The following SNX29 variants were observed in gnomAD, a reference collection of about 807,000 sequenced individuals.
The protein encoded by SNX29 is sorting nexin 29.
A neutral mutation model predicts 102.1 loss-of-function variants in SNX29; 78 were observed. The observed-to-expected ratio is 0.76, with a 90% confidence interval of 0.64 to 0.92. The LOEUF is 0.92. Ranked by LOEUF, SNX29 falls within the 40% of genes least tolerant of loss-of-function variation. The pLI, the probability that SNX29 is intolerant of heterozygous loss-of-function variation, is 0.00. For missense variants in SNX29, 1,280 were observed against 1,061.7 expected, an observed-to-expected ratio of 1.21 and a Z score of -2.86; for synonymous variants, 580 against 414.5, an observed-to-expected ratio of 1.40 and a Z score of -4.85.
intron 14 of SNX29, among the ~76,000 whole-genome samples, chr16:12,221,950 C>T (rs560790706): frequency 5.9e-5 from 9 of 152,214 alleles, no homozygotes; most frequent in South Asian, 2.1e-4. Flanking sequence ...TCAGCAGTGA[C>T]GAGCAAGTGA....
chr16:12,285,493 T>G (rs2079566498), intron 15 of SNX29, among the ~76,000 whole-genome samples: 1 of 152,236 alleles, frequency 6.6e-6, no homozygotes, highest in African/African-American at 2.4e-5. Flanking sequence ...TTGTTCTCAT[T>G]ATAATGGCAG....
At chr16:12,054,756 GTCTC>G (rs1204509948) in intron 8 of SNX29, among the ~76,000 whole-genome samples, 6 of 152,170 alleles carry the variant, frequency 3.9e-5, no homozygotes, top group East Asian at 1.9e-4. Flanking sequence ...GTATCTCTCT[GTCTC>G]TCTCTCTTCA....
chr16:12,564,739 T>C (rs12918587), intron 20 of SNX29, among the ~76,000 whole-genome samples: 39,595 of 151,886 alleles, frequency 0.26, 5,737 homozygotes, highest in East Asian at 0.44. Context: ...CAGTTGTGCC[T>C]AACAACTGTC....
intron 16 of SNX29, among the ~76,000 whole-genome samples, chr16:12,395,796 C>T (rs1274122513): frequency 6.6e-6 from 1 of 151,466 alleles, no homozygotes; most frequent in African/African-American, 2.4e-5. Context: ...TCTTTATTGC[C>T]AGAATATAAA....
chr16:12,135,619 G>A (rs1433839358), intron 13 of SNX29: 1 of 1,345,630 alleles, frequency 7.4e-7, no homozygotes, highest in Non-Finnish European at 9.8e-7. Flanking sequence ...AATGGAGGGA[G>A]AGAGAAATCA....
At chr16:12,543,841 A>G (rs1042128565) in intron 20 of SNX29, among the ~76,000 whole-genome samples, 1 of 152,204 alleles carries the variant, frequency 6.6e-6, no homozygotes, top group East Asian at 1.9e-4. Flanking sequence ...TATTTGGAAG[A>G]GAGAAGCCAG....
intron 11 of SNX29, among the ~76,000 whole-genome samples, chr16:12,099,475 G>T (rs901792380): frequency 6.6e-6 from 1 of 152,164 alleles, no homozygotes; most frequent in Admixed American, 6.5e-5. Context: ...GGTGACAGCT[G>T]GCAGCTCAGT....
intron 15 of SNX29, among the ~76,000 whole-genome samples, chr16:12,309,355 C>T (rs886237982): frequency 4.6e-5 from 7 of 152,348 alleles, no homozygotes; most frequent in African/African-American, 1.7e-4. Context: ...CCTGCGAGGG[C>T]TCACTGCTGA....
chr16:12,435,926 G>T (rs1323226447), intron 18 of SNX29, among the ~76,000 whole-genome samples: 1 of 152,168 alleles, frequency 6.6e-6, no homozygotes, highest in Non-Finnish European at 1.5e-5. Flanking sequence ...CGCTATCTGT[G>T]GGAACAGCGA....
chr16:12,304,682 C>T (rs144232253), intron 15 of SNX29, among the ~76,000 whole-genome samples: 187 of 152,292 alleles, frequency 1.2e-3, no homozygotes, highest in African/African-American at 4.0e-3. Context: ...TGTGAGCCAC[C>T]ACACCTGGCC....
chr16:12,219,054 G>A (rs556835515), intron 14 of SNX29, among the ~76,000 whole-genome samples: 2 of 152,268 alleles, frequency 1.3e-5, no homozygotes, highest in East Asian at 3.9e-4. Flanking sequence ...GATTACAGGT[G>A]TGAGCCACCG....
At chr16:12,193,407 T>G (rs2076693526) in intron 13 of SNX29, among the ~76,000 whole-genome samples, 2 of 149,678 alleles carry the variant, frequency 1.3e-5, no homozygotes, top group Admixed American at 1.4e-4. Flanking sequence ...AGGTGAAGGT[T>G]GTAGTGAGCC....
chr16:12,101,841 T>C (rs371179463), intron 11 of SNX29, among the ~76,000 whole-genome samples: 8 of 152,306 alleles, frequency 5.3e-5, no homozygotes, highest in South Asian at 2.1e-4. Context: ...TAGGTATACT[T>C]GTGCCACGGT....
At chr16:12,259,325 A>G (rs1161447532) in intron 14 of SNX29, among the ~76,000 whole-genome samples, 1 of 151,942 alleles carries the variant, frequency 6.6e-6, no homozygotes, top group Non-Finnish European at 1.5e-5. Context: ...TGCTCGTTCT[A>G]CCCCGTCTTT....
At chr16:12,530,987 C>T (rs1240687317) in intron 20 of SNX29, among the ~76,000 whole-genome samples, 2 of 152,246 alleles carry the variant, frequency 1.3e-5, no homozygotes, top group African/African-American at 2.4e-5. Context: ...TTTTCTCCCC[C>T]AGACTGTAGT....
At chr16:12,554,783 T>C (rs1238462064) in intron 20 of SNX29, among the ~76,000 whole-genome samples, 1 of 152,126 alleles carries the variant, frequency 6.6e-6, no homozygotes, top group Non-Finnish European at 1.5e-5. Flanking sequence ...CGCCATAGAA[T>C]GCAATTGTTT....
chr16:12,056,728 A>C (rs2050535893), intron 8 of SNX29, among the ~76,000 whole-genome samples: 1 of 152,186 alleles, frequency 6.6e-6, no homozygotes, highest in Non-Finnish European at 1.5e-5. Flanking sequence ...TATTTATCAT[A>C]AGTATTAGCT....
chr16:12,005,683 C>T (rs1055529505), intron 3 of SNX29, among the ~76,000 whole-genome samples: 2 of 152,112 alleles, frequency 1.3e-5, no homozygotes, highest in African/African-American at 2.4e-5. Flanking sequence ...TATTCTTACA[C>T]GGGTGGAGTA....
intron 20 of SNX29, among the ~76,000 whole-genome samples, chr16:12,538,899 G>A (rs967505306): frequency 2.1e-5 from 3 of 144,148 alleles, no homozygotes; most frequent in Non-Finnish European, 4.4e-5. Flanking sequence ...ACAGATTAAT[G>A]ACCTGTTCTA....
Sources: gnomAD v4.1 joint callset for allele counts (sites outside exome capture counted in the v4.1 genomes callset) on GRCh38, gnomAD v4.1.1 for gene constraint, MANE v1.5 for transcripts, NCBI Gene and HGNC (gene_info 2026-07-23, HGNC 2026-07-21) for gene names.